The following FREM2 variants were observed in gnomAD, a reference collection of about 807,000 sequenced individuals.
The protein encoded by FREM2 is FRAS1 related extracellular matrix 2.
In FREM2, 119 loss-of-function variants were observed where a neutral mutation model predicts 219.9. The observed-to-expected ratio is 0.54, with a 90% CI of 0.47 to 0.63. FREM2 has a LOEUF of 0.63. Ranked by LOEUF, FREM2 falls within the 30% of genes least tolerant of loss-of-function variation. FREM2 has a pLI of 0.00. For synonymous variants in FREM2, 1,562 were observed against 1,522.8 expected, an observed-to-expected ratio of 1.03 and a Z score of -0.60; for missense variants, 4,030 against 3,993.6, an observed-to-expected ratio of 1.01 and a Z score of -0.25.
intron 2 of FREM2, among the ~76,000 whole-genome samples, chr13:38,756,758 T>A (rs1873021347): frequency 6.6e-6 from 1 of 151,692 alleles, no homozygotes; most frequent in South Asian, 2.1e-4. Context: ...CACGCTGGTT[T>A]TTAAACTCCT....
At chr13:38,793,776 A>G (rs185920574) in intron 6 of FREM2, among the ~76,000 whole-genome samples, 11 of 152,330 alleles carry the variant, frequency 7.2e-5, no homozygotes, top group Middle Eastern at 3.4e-3. Flanking sequence ...GAGGATGCAG[A>G]GACCAGGAGG....
intron 1 of FREM2, among the ~76,000 whole-genome samples, chr13:38,696,832 G>T (rs1285285980): frequency 1.4e-5 from 2 of 147,958 alleles, no homozygotes; most frequent in African/African-American, 5.0e-5. Context: ...TTTTGAGACA[G>T]GGTCTCATTC....
chr13:38,843,022 G>A (rs1397664407), intron 6 of FREM2, among the ~76,000 whole-genome samples: 2 of 152,010 alleles, frequency 1.3e-5, no homozygotes, highest in Non-Finnish European at 2.9e-5. Context: ...AGAGTGTAGA[G>A]TTTGGCTTCC....
chr13:38,802,364 C>CT (rs2137852286), intron 6 of FREM2, among the ~76,000 whole-genome samples: 1 of 152,278 alleles, frequency 6.6e-6, no homozygotes, highest in South Asian at 2.1e-4. Flanking sequence ...CTCTTCTCTC[C>CT]TTTTTTGGCC....
rs929499632 is a variant in FREM2, at chr13:38,878,254, G to A, written c.8792G>A (p.Ser2931Asn). The stretch of plus-strand genomic sequence containing the variant: ...GCTGATGGCTATGTTCCCAAGTATA[G>A]TCCAATGAATGCAGAATATGGCTGC... The part of the protein sequence containing the change: ...TGADGYVPKY[S>N]PMNAEYGCLA... Residue 2931 changes from serine (S) to asparagine (N), a missense_variant, in exon 22 of 24, where the codon AGT becomes AAT. Transcript: ENST00000280481. 7 of 1,613,556 alleles carry A rather than the reference G, an allele frequency of 4.3e-6. No individual in the cohort carries two copies. Among genetic ancestry groups the A allele is most frequent in the Non-Finnish European group, 5.9e-6 (7 of 1,179,830 alleles).
chr13:38,775,169 C>T (rs1873821355), intron 4 of FREM2, among the ~76,000 whole-genome samples: 1 of 152,160 alleles, frequency 6.6e-6, no homozygotes, highest in Non-Finnish European at 1.5e-5. Context: ...ATTCAGATGA[C>T]ATAGGCTGAC....
intron 2 of FREM2, among the ~76,000 whole-genome samples, chr13:38,713,380 T>C (rs532218538): frequency 6.6e-6 from 1 of 152,306 alleles, no homozygotes; most frequent in East Asian, 1.9e-4. Context: ...TGACAAGGAC[T>C]ATATGGCACA....
At chr13:38,807,188 GTTATATATAT>G (rs1349912180) in intron 6 of FREM2, among the ~76,000 whole-genome samples, 1,581 of 66,392 alleles carry the variant, frequency 0.024, 181 homozygotes, top group African/African-American at 0.062. Flanking sequence ...TCTTGTCTCT[GTTATATATAT>G]ATATATATAT....
chr13:38,813,597 C>G (rs1441528617), intron 6 of FREM2, among the ~76,000 whole-genome samples: 2 of 106,952 alleles, frequency 1.9e-5, no homozygotes, highest in Admixed American at 2.0e-4. Flanking sequence ...ATATATCCCT[C>G]TCTCTCTCTT....
At chr13:38,719,453 T>C (rs115827040) in intron 2 of FREM2, among the ~76,000 whole-genome samples, 9,330 of 152,144 alleles carry the variant, frequency 0.061, 778 homozygotes, top group African/African-American at 0.19. Flanking sequence ...ACCCCTGACC[T>C]TAGGTGATCC....
chr13:38,850,298 T>C, intron 9 of FREM2, 63 bp downstream of exon 9: 2 of 1,315,792 alleles, frequency 1.5e-6, no homozygotes, highest in Admixed American at 1.7e-5. Context: ...CTCAGAAATA[T>C]ATATCAGGGA....
At chr13:38,863,528 T>C (rs1457067061) in intron 15 of FREM2, among the ~76,000 whole-genome samples, 1 of 139,104 alleles carries the variant, frequency 7.2e-6, no homozygotes, top group African/African-American at 2.7e-5. Flanking sequence ...TAACATGAAA[T>C]ACATCCTTTA....
At chr13:38,769,552 GA>G in intron 3 of FREM2, 25 bp from the exon 4 acceptor site, 2 of 1,572,308 alleles carry the variant, frequency 1.3e-6, no homozygotes, top group Non-Finnish European at 1.7e-6. Flanking sequence ...ATGAAACTAA[GA>G]AAATGATATT....
chr13:38,688,870 T>G lies in FREM2; in HGVS notation c.1526T>G (p.Val509Gly), dbSNP rs1328865053. 1 of 1,613,360 alleles carries G rather than the reference T, an allele frequency of 6.2e-7. No homozygotes were observed. Among genetic ancestry groups the G allele is most frequent in the Non-Finnish European group, 8.5e-7 (1 of 1,179,748 alleles). ...AGCTCTGCTCCCAAGAGCTTTACAG[T>G]GGCTGAGCTGGCAGCCGGCCAGGTG... ...SGSSAPKSFT[V>G]AELAAGQVVY... Residue 509 changes from valine (V) to glycine (G), a missense_variant, in exon 1 of 24, where the codon GTG becomes GGG. Val to Gly is a moderately radical substitution (Grantham distance 109). Coordinates refer to ENST00000280481, the MANE Select transcript of FREM2 (RefSeq NM_207361.6).
rs751438486 is a variant in FREM2, at chr13:38,880,532, G to A, written c.9255G>A (p.Arg3085=). Residue 3085 remains arginine, a synonymous_variant, in exon 24 of 24, where the codon AGG becomes AGA. Coordinates refer to ENST00000280481, the MANE Select transcript of FREM2 (RefSeq NM_207361.6). ...IQHIALDRTK[R]QIPHGRAPPD... ...ACATTGCCCTGGACCGCACCAAGAGGCAGATCCCCCATGGGAGAGCACCTC... is the reference window on the plus strand; with the variant it reads ...ACATTGCCCTGGACCGCACCAAGAGACAGATCCCCCATGGGAGAGCACCTC... 1 of 1,614,142 alleles carries A rather than the reference G, an allele frequency of 6.2e-7. No individual in the cohort carries two copies. The highest frequency in any genetic ancestry group is 8.5e-7 in the Non-Finnish European group (1 of 1,180,024).
At chr13:38,836,494 G>A (rs1252005160) in intron 6 of FREM2, among the ~76,000 whole-genome samples, 1 of 152,050 alleles carries the variant, frequency 6.6e-6, no homozygotes, top group Non-Finnish European at 1.5e-5. Context: ...CTTTTCTATT[G>A]TTTGGAATAG....
At chr13:38,762,437 T>C (rs1162568924) in intron 2 of FREM2, among the ~76,000 whole-genome samples, 4 of 110,702 alleles carry the variant, frequency 3.6e-5, no homozygotes, top group Non-Finnish European at 8.9e-5. Context: ...AAATTCCTGC[T>C]CTCCAATCTT....
rs9548505 is a variant in FREM2, at chr13:38,848,487, C to G, written c.6196C>G (p.Arg2066Gly). The G allele has an allele frequency of 8.8e-5, 142 of 1,613,458 alleles. No individual in the cohort carries two copies. Among genetic ancestry groups the G allele is most frequent in the Non-Finnish European group, 1.1e-5 (13 of 1,179,676 alleles). The change falls in exon 8 of 24, where the codon CGT becomes GGT. Residue 2066 changes from arginine (R) to glycine (G), a missense_variant. Arg to Gly is a moderately radical substitution (Grantham distance 125). Coordinates refer to ENST00000280481, the MANE Select transcript of FREM2 (RefSeq NM_207361.6). ...DAGTDYVGIS[R>G]NLDFAPGVNM... ...TGGAACAGACTATGTGGGCATCAGC[C>G]GTAATTTAGATTTTGCACCTGGAGT...
chr13:38,724,483 A>G (rs186860640), intron 2 of FREM2, among the ~76,000 whole-genome samples: 82 of 152,288 alleles, frequency 5.4e-4, no homozygotes, highest in African/African-American at 1.9e-3. Flanking sequence ...CATTTGTAAG[A>G]TATTATTTAC....
Sources: allele counts gnomAD v4.1 joint callset (sites outside exome capture counted in the v4.1 genomes callset), GRCh38; gene constraint gnomAD v4.1.1; transcripts MANE v1.5; gene names NCBI Gene and HGNC (gene_info 2026-07-23, HGNC 2026-07-21).